Variants in MDGA2 observed in about 807,000 individuals in gnomAD.
The protein encoded by MDGA2 is MAM domain-containing glycosylphosphatidylinositol anchor protein 2.
MDGA2 carries 40 observed loss-of-function variants against 117.8 expected under a neutral mutation model. That is an observed-to-expected ratio of 0.34 (90% CI 0.26 to 0.44). The LOEUF (loss-of-function observed/expected upper bound fraction) is 0.44, where lower values mean the gene tolerates loss of function less well. MDGA2 is among the 20% of genes least tolerant of loss of function. The pLI is 1.00. For synonymous variants in MDGA2, 452 were observed against 439.0 expected, an observed-to-expected ratio of 1.03 and a Z score of -0.37; for missense variants, 1,123 against 1,250.6, an observed-to-expected ratio of 0.90 and a Z score of 1.54.
At chr14:47,081,890 T>C (rs1019682676) in intron 6 of MDGA2, among the ~76,000 whole-genome samples, 20 of 152,158 alleles carry the variant, frequency 1.3e-4, no homozygotes, top group African/African-American at 4.8e-4. Flanking sequence ...ATGCTACTGT[T>C]ATCACCTTTA....
chr14:47,206,779 C>T (rs1885699649), intron 3 of MDGA2, among the ~76,000 whole-genome samples: 2 of 151,746 alleles, frequency 1.3e-5, no homozygotes, highest in South Asian at 4.2e-4. Flanking sequence ...GTCCTAGCTA[C>T]TCAGGAGGCT....
At chr14:47,402,281 G>T (rs1892165588) in intron 1 of MDGA2, among the ~76,000 whole-genome samples, 1 of 150,856 alleles carries the variant, frequency 6.6e-6, no homozygotes, top group Admixed American at 6.6e-5. Flanking sequence ...CCTTATTTAG[G>T]AGACTCAAAA....
chr14:47,253,232 T>G (rs1323491632), intron 2 of MDGA2, among the ~76,000 whole-genome samples: 1 of 152,092 alleles, frequency 6.6e-6, no homozygotes, highest in East Asian at 1.9e-4. Flanking sequence ...AATCATGACT[T>G]CCCAACAGTC....
rs551096247 is a variant in MDGA2, at chr14:47,511,919, A to G, written c.280+162598T>C. ...ACAGAGTCAGGTCTACCGCTCAAAG[A>G]AACAGGGGTTTGTGTGTGTGTGTAT... is the stretch of plus-strand genomic sequence containing the variant. On this transcript the variant is annotated intron_variant, in intron 1 of 16. Coordinates refer to ENST00000399232, the MANE Select transcript of MDGA2 (RefSeq NM_001113498.3). Among the ~76,000 whole-genome samples, 19 of 152,262 alleles carry G rather than the reference A, an allele frequency of 1.2e-4. 1 individual carries two copies. Among genetic ancestry groups the G allele is most frequent in the Admixed American group, 1.2e-3 (18 of 15,276 alleles).
At chr14:46,977,168 T>A (rs1366544128) in intron 8 of MDGA2, among the ~76,000 whole-genome samples, 5 of 151,658 alleles carry the variant, frequency 3.3e-5, no homozygotes, top group African/African-American at 1.2e-4. Context: ...ATCATCAAGC[T>A]CCAAGATTAA....
At chr14:46,982,822 G>T (rs1027998671) in intron 8 of MDGA2, among the ~76,000 whole-genome samples, 3 of 151,212 alleles carry the variant, frequency 2.0e-5, no homozygotes, top group Non-Finnish European at 1.5e-5. Flanking sequence ...TGATTGCCCT[G>T]GCCAGAACTT....
At chr14:47,523,439 T>G (rs552082164) in intron 1 of MDGA2, among the ~76,000 whole-genome samples, 1 of 152,330 alleles carries the variant, frequency 6.6e-6, no homozygotes, top group Admixed American at 6.5e-5. Context: ...ATGCCCTTAG[T>G]TCTATGTGTT....
intron 1 of MDGA2, among the ~76,000 whole-genome samples, chr14:47,619,905 TC>T (rs140623437): frequency 0.075 from 11,436 of 152,272 alleles, 440 homozygotes; most frequent in Middle Eastern, 0.099. Context: ...CCTGACTGAC[TC>T]ACAGATTGAT....
rs1304149025 is a variant in MDGA2, at chr14:47,097,123, G to A, written c.926C>T (p.Ala309Val). 6.2e-7 allele frequency: 1 copy of A among 1,610,958 alleles called. No individual in the cohort carries two copies. The highest frequency in any genetic ancestry group is 1.3e-5 in the African/African-American group (1 of 74,758). Reference protein sequence around the residue: ...MVSFRLSNKTASPSIKLLVDD... With the variant: ...MVSFRLSNKTVSPSIKLLVDD... The stretch of plus-strand genomic sequence containing the variant: ...CACCAAGAGTTTAATTGACGGTGAT[G>A]CTAAAAGACATAAACAGAAGAACGT... Residue 309 changes from alanine to valine, a missense_variant and splice_region_variant, in exon 6 of 17, where the codon GCA (alanine) becomes GTA (valine). Physicochemically the swap from Ala to Val is moderately conservative, Grantham distance 64. Around this residue, in one of 2 missense-constraint regions of MDGA2, gnomAD observed 890 missense variants for 1,050.3 expected, o/e 0.85. Coordinates refer to ENST00000399232, the MANE Select transcript of MDGA2 (RefSeq NM_001113498.3).
intron 9 of MDGA2, among the ~76,000 whole-genome samples, chr14:46,945,254 C>T (rs753320352): frequency 2.6e-5 from 4 of 152,004 alleles, no homozygotes; most frequent in Admixed American, 6.6e-5. Context: ...GTTAAAATTC[C>T]GCCTCCCTCT....
At chr14:47,489,688 C>T (rs1670062849) in intron 1 of MDGA2, among the ~76,000 whole-genome samples, 1 of 151,982 alleles carries the variant, frequency 6.6e-6, no homozygotes, top group African/African-American at 2.4e-5. Flanking sequence ...AGAACTGTTG[C>T]CATCACCATC....
intron 1 of MDGA2, among the ~76,000 whole-genome samples, chr14:47,545,178 G>C (rs1239718794): frequency 1.3e-5 from 2 of 152,102 alleles, no homozygotes; most frequent in East Asian, 3.9e-4. Flanking sequence ...AGTCACTGTT[G>C]GCTGTGTTTA....
In MDGA2 at chr14:47,406,131, A is replaced by T. The variant is rs553332193; in HGVS notation, c.281-104581T>A. On this transcript the variant is annotated intron_variant, in intron 1 of 16. Coordinates refer to ENST00000399232, the MANE Select transcript of MDGA2 (RefSeq NM_001113498.3). ...CCTAGTTGTAAGAATTAACATATGT[A>T]AAAGGTTATACTCTCACACTGCTGG... Among the ~76,000 whole-genome samples, 53 of 152,274 alleles carry T rather than the reference A, an allele frequency of 3.5e-4. No individual in the cohort carries two copies. The South Asian group carries it at 0.011, about 31-fold the overall frequency.
chr14:47,336,175 T>C (rs72683871), intron 1 of MDGA2, among the ~76,000 whole-genome samples: 14,574 of 151,858 alleles, frequency 0.096, 756 homozygotes, highest in Middle Eastern at 0.13. Context: ...GAATTGTAAA[T>C]ATCAACATTT....
chr14:47,572,003 T>C (rs1646494388), intron 1 of MDGA2, among the ~76,000 whole-genome samples: 1 of 152,250 alleles, frequency 6.6e-6, no homozygotes, highest in Non-Finnish European at 1.5e-5. Context: ...TAAAAGTATA[T>C]GCAGTCAGAA....
At chr14:47,447,277 G>A (rs1194966240) in intron 1 of MDGA2, among the ~76,000 whole-genome samples, 2 of 152,260 alleles carry the variant, frequency 1.3e-5, no homozygotes, top group Admixed American at 6.5e-5. Flanking sequence ...GAAGACAAGA[G>A]AAAGGTCAGG....
intron 2 of MDGA2, among the ~76,000 whole-genome samples, chr14:47,301,195 A>C (rs1344566547): frequency 1.3e-5 from 2 of 152,086 alleles, no homozygotes; most frequent in Non-Finnish European, 2.9e-5. Flanking sequence ...CATCTTATAC[A>C]AAAGAATAGC....
chr14:47,098,274 A>G (rs1880096729), intron 5 of MDGA2, among the ~76,000 whole-genome samples: 1 of 149,372 alleles, frequency 6.7e-6, no homozygotes, highest in African/African-American at 2.4e-5. Flanking sequence ...AAAAAAAAAA[A>G]AAAAAGCCAG....
intron 6 of MDGA2, among the ~76,000 whole-genome samples, chr14:47,094,856 A>C (rs1444406534): frequency 1.3e-5 from 2 of 151,986 alleles, no homozygotes; most frequent in Non-Finnish European, 2.9e-5. Context: ...TTTCTCTTTT[A>C]AAAAAATGGG....
Sources: gnomAD v4.1 joint callset for allele counts (sites outside exome capture counted in the v4.1 genomes callset) on GRCh38, gnomAD v4.1.1 for gene constraint, gnomAD v4.1.1 regional missense constraint, MANE v1.5 for transcripts, NCBI Gene and HGNC (gene_info 2026-07-23, HGNC 2026-07-21) for gene names.